The following RFX2 variants were observed in gnomAD, a reference collection of about 807,000 sequenced individuals.
RFX2 encodes DNA-binding protein RFX2.
In RFX2, 20 loss-of-function variants were observed where a neutral mutation model predicts 87.8. The observed-to-expected ratio is 0.23, with a 90% confidence interval of 0.16 to 0.33. The LOEUF is 0.33. RFX2 is among the 10% of genes least tolerant of loss of function. The probability of loss-of-function intolerance (pLI) is 1.00; values close to 1 mark genes in which losing one functional copy is unlikely to be tolerated. For missense variants in RFX2, 767 were observed against 1,012.3 expected (o/e 0.76, Z 3.29); for synonymous variants, 397 against 431.3 (o/e 0.92, Z 0.98).
intron 4 of RFX2, 138 bp downstream of exon 4, chr19:6,041,906 C>G: frequency 1.3e-6 from 1 of 740,912 alleles, no homozygotes; most frequent in Non-Finnish European, 2.4e-6. Context: ...GCCCAGTTTC[C>G]TAATAGCATT....
chr19:6,077,771 C>G (rs1332418630), intron 1 of RFX2, among the ~76,000 whole-genome samples: 1 of 152,036 alleles, frequency 6.6e-6, no homozygotes, highest in African/African-American at 2.4e-5. Context: ...CACCTGAGGT[C>G]AGGAGTTTGA....
intron 3 of RFX2, among the ~76,000 whole-genome samples, chr19:6,043,732 C>T (rs16989868): frequency 0.039 from 5,934 of 152,338 alleles, 281 homozygotes; most frequent in African/African-American, 0.11. Context: ...AGAGTGTCCC[C>T]AAGCTGATGA....
At chr19:6,059,786 C>T (rs952836228) in intron 1 of RFX2, among the ~76,000 whole-genome samples, 3 of 152,140 alleles carry the variant, frequency 2.0e-5, no homozygotes, top group Non-Finnish European at 4.4e-5. Flanking sequence ...CAAAAGTACA[C>T]ATGCAGACAC....
intron 1 of RFX2, among the ~76,000 whole-genome samples, chr19:6,078,693 A>T (rs940852010): frequency 6.6e-6 from 1 of 152,266 alleles, no homozygotes; most frequent in Non-Finnish European, 1.5e-5. Flanking sequence ...GGATAGACAG[A>T]AAGACGAAAA....
chr19:6,038,195 T>C (rs2087049264), intron 5 of RFX2, among the ~76,000 whole-genome samples: 1 of 151,460 alleles, frequency 6.6e-6, no homozygotes, highest in South Asian at 2.1e-4. Flanking sequence ...GGTGTGGTGG[T>C]ACACACCTGT....
chr19:6,092,591 C>A (rs1315132631), intron 1 of RFX2, among the ~76,000 whole-genome samples: 2 of 152,192 alleles, frequency 1.3e-5, no homozygotes, highest in South Asian at 2.1e-4. Context: ...ACCAGCCCAG[C>A]AGCCAGGCCT....
rs548281250 is a variant in RFX2, at chr19:6,065,974, C to G, written c.-8-18470G>C. ...GGCTAACAGTTCTGAATTTATAGCC[C>G]TGGCAGTGGGGGCGGGGGCTGGGGG... On this transcript the variant is annotated intron_variant, in intron 1 of 17. Transcript: ENST00000303657. Among the ~76,000 whole-genome samples, 10 of 122,038 alleles carry G rather than the reference C, an allele frequency of 8.2e-5. 1 individual carries two copies. In the South Asian group the frequency reaches 3.0e-3, roughly 36 times the overall value. The allele number at this position is 122,038 out of a possible 152,430, so 80.1% of individuals were successfully genotyped here. A position where few individuals can be genotyped will look rare whatever the true frequency, so the allele number is the denominator to read the frequency against.
At chr19:6,098,965 CAAAAAA>C (rs34110529) in intron 1 of RFX2, among the ~76,000 whole-genome samples, 1,167 of 52,648 alleles carry the variant, frequency 0.022, 8 homozygotes, top group African/African-American at 0.057. Context: ...GCTTGAACCA[CAAAAAA>C]AAAAAAAAAA....
rs2144727588 is a variant in RFX2, at chr19:6,023,106, C to G, written c.597+3057G>C. On this transcript the variant is annotated intron_variant, in intron 6 of 17. Transcript: ENST00000303657. This position sits in a 1 kb window ranked among gnomAD's most constrained non-coding sequence, Gnocchi z 4.9. The stretch of plus-strand genomic sequence containing the variant: ...ATGTTCGGCACTGACCTGGCCAGAA[C>G]CCTGCACACGGTAGACGGTGGTCTG... 1 of 152,584 alleles carries G rather than the reference C, an allele frequency of 6.6e-6. No homozygotes were observed. Among genetic ancestry groups the G allele is most frequent in the African/African-American group, 2.4e-5 (1 of 41,592 alleles). The allele number at this position is 152,584 out of a possible 1,614,324, so 9.5% of individuals were successfully genotyped here. A position where few individuals can be genotyped will look rare whatever the true frequency, so the allele number is the denominator to read the frequency against.
At chr19:6,042,513 GT>G (rs1294414918) in intron 3 of RFX2, among the ~76,000 whole-genome samples, 17 of 151,354 alleles carry the variant, frequency 1.1e-4, no homozygotes, top group Non-Finnish European at 2.5e-4. Context: ...TTTTTTGTTT[GT>G]TTGTTTGTTT....
rs1026013425 is a variant in RFX2, at chr19:6,004,111, G to A, written c.1500+90C>T. ...CTCATGACGCAGGGAAGAAGCCAGC[G>A]CTCTCTGGGACACAGTGGTCCTCAT... On this transcript the variant is annotated intron_variant, in intron 13 of 17. Transcript: ENST00000303657. This position sits in a 1 kb window ranked among gnomAD's most constrained non-coding sequence, Gnocchi z 4.8. 50 of 985,216 alleles carry A rather than the reference G, an allele frequency of 5.1e-5. No individual in the cohort carries two copies. Among genetic ancestry groups the A allele is most frequent in the South Asian group, 1.5e-4 (12 of 77,726 alleles). 61.0% of individuals were successfully genotyped at this position (985,216 alleles called of 1,614,324 possible). A position where few individuals can be genotyped will look rare whatever the true frequency, so the allele number is the denominator to read the frequency against.
rs78954437 is a variant in RFX2, at chr19:6,020,939, G to A, written c.598-4668C>T. Reference sequence around the variant, plus strand: ...ATTCCTTTTAAGGAAAAAAAATCCCGAAATGCCAGCGCCTCCCTCTCCCCG... The same window carrying A: ...ATTCCTTTTAAGGAAAAAAAATCCCAAAATGCCAGCGCCTCCCTCTCCCCG... On this transcript the variant is annotated intron_variant, in intron 6 of 17. Coordinates refer to ENST00000303657, the MANE Select transcript of RFX2 (RefSeq NM_000635.4). The surrounding 1 kb of genome is among the most constrained non-coding windows in gnomAD (Gnocchi z 5.3). Among the ~76,000 whole-genome samples, 27 of 152,260 alleles carry A rather than the reference G, an allele frequency of 1.8e-4. No homozygotes were observed. The East Asian group carries it at 4.4e-3, about 25-fold the overall frequency.
intron 1 of RFX2, among the ~76,000 whole-genome samples, chr19:6,090,268 A>AG (rs1008130919): frequency 2.0e-5 from 3 of 151,854 alleles, no homozygotes; most frequent in African/African-American, 7.3e-5. Flanking sequence ...ATGCCAGCCC[A>AG]GATAACACCT....
rs955463939 is a variant in RFX2, at chr19:6,050,872, G to C, written c.-8-3368C>G. 2.0e-5 allele frequency among the ~76,000 whole-genome samples: 3 copies of C among 152,150 alleles called. No individual in the cohort carries two copies. Among genetic ancestry groups the C allele is most frequent in the Non-Finnish European group, 2.9e-5 (2 of 68,028 alleles). On this transcript the variant is annotated intron_variant, in intron 1 of 17. Coordinates refer to ENST00000303657, the MANE Select transcript of RFX2 (RefSeq NM_000635.4). The surrounding 1 kb of genome is among the most constrained non-coding windows in gnomAD (Gnocchi z 4.6). ...AGAAAGCCAAGATAGGTATGTCATG[G>C]TTAAACTGTTAAAAGAAGCAGTCAG...
Position 6,039,104 on chromosome 19 carries a change from T to C in RFX2, c.522+876A>G, listed in dbSNP as rs929983158. Among the ~76,000 whole-genome samples the C allele has an allele frequency of 2.0e-5, 3 of 152,198 alleles. No homozygotes were observed. The highest frequency in any genetic ancestry group is 2.9e-5 in the Non-Finnish European group (2 of 68,022). On this transcript the variant is annotated intron_variant, in intron 5 of 17. Coordinates refer to ENST00000303657, the MANE Select transcript of RFX2 (RefSeq NM_000635.4). This position sits in a 1 kb window ranked among gnomAD's most constrained non-coding sequence, Gnocchi z 5.2. ...AACTAGTGAATGAATAAACAAACTG[T>C]AGTGTAATAGAATATTACTCAGTAA... is the stretch of plus-strand genomic sequence containing the variant.
intron 13 of RFX2, among the ~76,000 whole-genome samples, chr19:6,003,753 T>C (rs1599840882): frequency 8.6e-6 from 1 of 115,782 alleles, no homozygotes. Context: ...CACTCCAGCC[T>C]GGGCGACAGA....
intron 1 of RFX2, among the ~76,000 whole-genome samples, chr19:6,084,105 G>A (rs1252432208): frequency 6.6e-6 from 1 of 152,128 alleles, no homozygotes; most frequent in Non-Finnish European, 1.5e-5. Flanking sequence ...CCTGCCCCAA[G>A]CTTTCCATTA....
chr19:6,041,504 A>G (rs529994984), intron 4 of RFX2, among the ~76,000 whole-genome samples: 12 of 152,302 alleles, frequency 7.9e-5, no homozygotes, highest in Admixed American at 3.9e-4. Flanking sequence ...TATCAACATT[A>G]TACAAAGCTG....
rs1362157067 is a variant in RFX2 at position 6,050,809 on chromosome 19, A to T, written c.-8-3305T>A. On this transcript the variant is annotated intron_variant, in intron 1 of 17. Coordinates refer to ENST00000303657, the MANE Select transcript of RFX2 (RefSeq NM_000635.4). This position sits in a 1 kb window ranked among gnomAD's most constrained non-coding sequence, Gnocchi z 4.6. ...CATTGGGTGATGGATATCAACTTAG[A>T]GGTCCAAAAATCTCAACAAACCCTA... Among the ~76,000 whole-genome samples the T allele has an allele frequency of 6.6e-6, 1 of 152,220 alleles. No individual in the cohort carries two copies. Among genetic ancestry groups the T allele is most frequent in the Non-Finnish European group, 1.5e-5 (1 of 68,032 alleles).
Sources: gnomAD v4.1 joint callset for allele counts (sites outside exome capture counted in the v4.1 genomes callset) on GRCh38, gnomAD v4.1.1 for gene constraint, Gnocchi (gnomAD v3.1) non-coding constraint, MANE v1.5 for transcripts, NCBI Gene and HGNC (gene_info 2026-07-23, HGNC 2026-07-21) for gene names.